HERC1: variants seen among roughly 807,000 people sequenced by gnomAD.
The protein encoded by HERC1 is probable E3 ubiquitin-protein ligase HERC1.
HERC1 carries 160 observed loss-of-function variants against 554.3 expected under a neutral mutation model. The ratio of observed to expected loss-of-function variants is 0.29; its 90% CI spans 0.25 to 0.33. The LOEUF (loss-of-function observed/expected upper bound fraction) is 0.33, where lower values mean the gene tolerates loss of function less well. HERC1 is among the 10% of genes least tolerant of loss of function. The pLI is 1.00. For synonymous variants in HERC1, 2,175 were observed against 2,131.7 expected (o/e 1.02, Z -0.56); for missense variants, 4,919 against 5,918.5 (o/e 0.83, Z 5.54).
In HERC1 at chr15:63,649,165, C is replaced by T. The variant is rs182479476; in HGVS notation, c.10747+560G>A. ...GTGAGGAGATCGAGACCATCCTGGCCAACATGGTGAAACCCTGTCTCTACT... is the reference window on the plus strand; with the variant it reads ...GTGAGGAGATCGAGACCATCCTGGCTAACATGGTGAAACCCTGTCTCTACT... On this transcript the variant is annotated intron_variant, in intron 54 of 77. Transcript: ENST00000443617. 1.7e-3 allele frequency among the ~76,000 whole-genome samples: 264 copies of T among 152,256 alleles called. 2 individuals carry two copies. Among genetic ancestry groups the T allele is most frequent in the East Asian group, 0.013 (69 of 5,182 alleles).
At chr15:63,721,593 A>G (rs1305851072) in intron 19 of HERC1, among the ~76,000 whole-genome samples, 1 of 152,212 alleles carries the variant, frequency 6.6e-6, no homozygotes, top group African/African-American at 2.4e-5. Flanking sequence ...GCAGATCTGA[A>G]TAATATGTAT....
intron 33 of HERC1, 140 bp from the exon 34 acceptor site, chr15:63,686,675 C>G (rs2071781105): frequency 1.5e-6 from 1 of 668,486 alleles, no homozygotes; most frequent in African/African-American, 1.8e-5. Flanking sequence ...GCAACAGGAA[C>G]ACAATGATAA....
chr15:63,687,998 G>A (rs1354763506), intron 33 of HERC1, among the ~76,000 whole-genome samples: 6 of 152,194 alleles, frequency 3.9e-5, no homozygotes, highest in Admixed American at 1.3e-4. Flanking sequence ...AAAGAATGAC[G>A]AGAAACCATT....
chr15:63,699,380 A>C (rs60769955), intron 25 of HERC1, among the ~76,000 whole-genome samples: 123 of 152,378 alleles, frequency 8.1e-4, no homozygotes, highest in African/African-American at 2.7e-3. Flanking sequence ...CACTGCTAGT[A>C]AGACCTACTC....
In HERC1 at chr15:63,624,213, T is replaced by C. The variant is rs1311477920; in HGVS notation, c.13390A>G (p.Met4464Val). The C allele has an allele frequency of 6.2e-7, 1 of 1,614,010 alleles. No individual in the cohort carries two copies. Among genetic ancestry groups the C allele is most frequent in the Non-Finnish European group, 8.5e-7 (1 of 1,179,866 alleles). ...GGTCCATAGTTTTTGCCTTGAACCA[T>C]GGTTTTTCCTATGGAGCGCACCATT... ...LPMVRSIGKT[M>V]VQGKNYGPQI... The change falls in exon 72 of 78, where the codon ATG (methionine) becomes GTG (valine). Residue 4464 changes from methionine (M) to valine (V), a missense_variant. Met to Val is a conservative substitution (Grantham distance 21). Coordinates refer to ENST00000443617, the MANE Select transcript of HERC1 (RefSeq NM_003922.4).
In HERC1 at chr15:63,680,187, G is replaced by T; in HGVS notation, c.6466-27C>A. ...TACAGTGTGGCAGCAGTGAGGAAAA[G>T]AAAAAGGAAATAGAAATTTTTTTAA... is the stretch of plus-strand genomic sequence containing the variant. On this transcript the variant is annotated intron_variant, in intron 35 of 77. Coordinates refer to ENST00000443617, the MANE Select transcript of HERC1 (RefSeq NM_003922.4). This position sits in a 1 kb window ranked among gnomAD's most constrained non-coding sequence, Gnocchi z 5.8. The T allele has an allele frequency of 6.4e-7, 1 of 1,561,266 alleles. No homozygotes were observed. Among genetic ancestry groups the T allele is most frequent in the Non-Finnish European group, 8.8e-7 (1 of 1,141,184 alleles).
chr15:63,799,097 C>A (rs2076899375), intron 1 of HERC1, among the ~76,000 whole-genome samples: 1 of 152,188 alleles, frequency 6.6e-6, no homozygotes, highest in Non-Finnish European at 1.5e-5. Context: ...TCAAATCAGT[C>A]AATGACACGG....
At chr15:63,703,242 C>T (rs191267861) in intron 25 of HERC1, among the ~76,000 whole-genome samples, 195 of 152,142 alleles carry the variant, frequency 1.3e-3, no homozygotes, top group African/African-American at 4.5e-3. Context: ...GGGCTTAGAC[C>T]AATTGTGAAA....
At chr15:63,639,226 A>G (rs1393335809) in intron 61 of HERC1, among the ~76,000 whole-genome samples, 2 of 152,362 alleles carry the variant, frequency 1.3e-5, no homozygotes, top group Admixed American at 6.5e-5. Context: ...CATTTCAGTC[A>G]ACAACAAACT....
chr15:63,622,820 C>G lies in HERC1; in HGVS notation c.13683G>C (p.Arg4561Ser), dbSNP rs2068144015. 4 of 1,601,210 alleles carry G rather than the reference C, an allele frequency of 2.5e-6. No individual in the cohort carries two copies. The highest frequency in any genetic ancestry group is 1.7e-5 in the Admixed American group (1 of 58,176). Residue 4561 changes from arginine (R) to serine (S), a missense_variant, in exon 74 of 78, where the codon AGG becomes AGC. Arg to Ser is a moderately radical substitution (Grantham distance 110). Around this residue, in one of 11 missense-constraint regions of HERC1, gnomAD observed 284 missense variants for 294.1 expected, o/e 0.97. Coordinates refer to ENST00000443617, the MANE Select transcript of HERC1 (RefSeq NM_003922.4). ...ACACTTGCTGACTGCCATACCTGTC[C>G]CTATTGTAACCCACTTCTGCGGTGG... ...PNATAEVGYN[R>S]DRFLFNPSAC...
intron 65 of HERC1, among the ~76,000 whole-genome samples, chr15:63,635,650 A>C (rs2068748257): frequency 6.6e-6 from 1 of 152,208 alleles, no homozygotes; most frequent in South Asian, 2.1e-4. Context: ...TCTGTGTATT[A>C]AGAACTGTGT....
chr15:63,669,228 G>C (rs2070782743), intron 40 of HERC1, among the ~76,000 whole-genome samples: 1 of 152,136 alleles, frequency 6.6e-6, no homozygotes, highest in Non-Finnish European at 1.5e-5. Flanking sequence ...TGAAAACACA[G>C]CATTTCAAAA....
chr15:63,757,733 G>A (rs750654502), intron 4 of HERC1, among the ~76,000 whole-genome samples: 9 of 151,916 alleles, frequency 5.9e-5, no homozygotes, highest in African/African-American at 1.4e-4. Context: ...ATTTTGAGAC[G>A]GAGCCTCACT....
At chr15:63,675,286 G>A in intron 37 of HERC1, 169 bp from the exon 38 acceptor site, 1 of 521,472 alleles carries the variant, frequency 1.9e-6, no homozygotes, top group South Asian at 4.1e-5. Flanking sequence ...AGTCTATTAT[G>A]AGAAAATGGG....
intron 33 of HERC1, among the ~76,000 whole-genome samples, chr15:63,688,747 T>G (rs17186513): frequency 0.14 from 21,580 of 152,140 alleles, 2,069 homozygotes; most frequent in Middle Eastern, 0.21. Context: ...AAGAGATGGA[T>G]TCACAAGATA....
At chr15:63,785,433 A>G (rs1337165881) in intron 1 of HERC1, among the ~76,000 whole-genome samples, 1 of 152,098 alleles carries the variant, frequency 6.6e-6, no homozygotes, top group Non-Finnish European at 1.5e-5. Flanking sequence ...AAAATTAAAT[A>G]TATTAATAAT....
In HERC1 at chr15:63,734,148, C is replaced by A. The variant is rs2074406878; in HGVS notation, c.2646+576G>T. Among the ~76,000 whole-genome samples the A allele has an allele frequency of 6.6e-6, 1 of 152,032 alleles. No homozygotes were observed. The highest frequency in any genetic ancestry group is 1.5e-5 in the Non-Finnish European group (1 of 68,020). ...CACCACCCTACTCCAGCGTGGATGA[C>A]AGAGCAAGACTCTGTCTCCAAAAAA... is the stretch of plus-strand genomic sequence containing the variant. On this transcript the variant is annotated intron_variant, in intron 13 of 77. Transcript: ENST00000443617. The surrounding 1 kb of genome is among the most constrained non-coding windows in gnomAD (Gnocchi z 4.6).
rs528035063 is a variant in HERC1, at chr15:63,824,888, TA to T, written c.-27+8938del. 4.8e-3 allele frequency among the ~76,000 whole-genome samples: 695 copies of T among 143,966 alleles called. 3 individuals carry two copies. Among genetic ancestry groups the T allele is most frequent in the African/African-American group, 0.012 (493 of 39,454 alleles). The allele number at this position is 143,966 out of a possible 152,430, so 94.4% of individuals were successfully genotyped here. A position where few individuals can be genotyped will look rare whatever the true frequency, so the allele number is the denominator to read the frequency against. On this transcript the variant is annotated intron_variant, in intron 1 of 77. Transcript: ENST00000443617. ...ATGATCTCTTCTATATGTGGAATCT[TA>T]AAAAAAAAAAAGTCAAATACATAGA...
At chr15:63,774,528 T>C (rs564984859) in intron 2 of HERC1, among the ~76,000 whole-genome samples, 166 bp downstream of exon 2, 1 of 152,302 alleles carries the variant, frequency 6.6e-6, no homozygotes, top group East Asian at 1.9e-4. Context: ...CCATATATTA[T>C]CAACATGCAT....
Sources: allele counts gnomAD v4.1 joint callset (sites outside exome capture counted in the v4.1 genomes callset), GRCh38; gene constraint gnomAD v4.1.1; regional missense constraint gnomAD v4.1.1; non-coding constraint Gnocchi (gnomAD v3.1); transcripts MANE v1.5; gene names NCBI Gene and HGNC (gene_info 2026-07-23, HGNC 2026-07-21).